SAMD12: variants seen among roughly 807,000 people sequenced by gnomAD.
SAMD12 encodes sterile alpha motif domain-containing protein 12.
A neutral mutation model predicts 15.0 loss-of-function variants in SAMD12; 9 were observed. The ratio of observed to expected loss-of-function variants is 0.60; its 90% confidence interval spans 0.36 to 1.05. The LOEUF is 1.05. Among genes scored for constraint, SAMD12 ranks in the 50% least tolerant of loss-of-function variants. The pLI is 0.01. For synonymous variants in SAMD12, 86 were observed against 90.1 expected (o/e 0.96, Z 0.25); for missense variants, 230 against 234.2 (o/e 0.98, Z 0.12).
chr8:118,521,400 T>C (rs536973557), intron 2 of SAMD12, among the ~76,000 whole-genome samples: 16 of 152,298 alleles, frequency 1.1e-4, no homozygotes, highest in African/African-American at 3.1e-4. Context: ...GATTTTGTAT[T>C]AGAGACCTGT....
At chr8:118,503,219 A>C (rs1452729651) in intron 2 of SAMD12, among the ~76,000 whole-genome samples, 2 of 152,240 alleles carry the variant, frequency 1.3e-5, no homozygotes, top group Admixed American at 6.5e-5. Flanking sequence ...TGCCGTCTGT[A>C]GGGCTTTCTT....
intron 3 of SAMD12, among the ~76,000 whole-genome samples, chr8:118,398,618 A>G (rs1820709272): frequency 6.6e-6 from 1 of 152,122 alleles, no homozygotes; most frequent in African/African-American, 2.4e-5. Flanking sequence ...TTAAAGTACC[A>G]TCACTTCCAC....
chr8:118,154,778 T>C, the SAMD12 span, among the ~76,000 whole-genome samples: 3 of 151,956 alleles, frequency 2.0e-5, no homozygotes, highest in African/African-American at 7.3e-5. Context: ...ATAGCATGAG[T>C]TAAAGTAAAA....
At chr8:118,180,677 A>G in the SAMD12 span, among the ~76,000 whole-genome samples, 4 of 151,552 alleles carry the variant, frequency 2.6e-5, no homozygotes, top group Non-Finnish European at 5.9e-5. Context: ...GGCTCAAGCA[A>G]TCCTCCCAGC....
intron 4 of SAMD12, among the ~76,000 whole-genome samples, chr8:118,278,328 C>G (rs988876884): frequency 1.3e-5 from 2 of 152,200 alleles, no homozygotes; most frequent in African/African-American, 4.8e-5. Context: ...TCATGAACAA[C>G]CCAAGAGTGC....
In SAMD12 at chr8:118,318,327, T is replaced by TATATATAC. The variant is rs1816038683; in HGVS notation, c.433+61232_433+61233insGTATATAT. 8.6e-5 allele frequency among the ~76,000 whole-genome samples: 3 copies of TATATATAC among 35,056 alleles called. 1 individual carries two copies. Among genetic ancestry groups the TATATATAC allele is most frequent in the Non-Finnish European group, 9.3e-5 (1 of 10,722 alleles). 23.0% of individuals were successfully genotyped at this position (35,056 alleles called of 152,430 possible). A position where few individuals can be genotyped will look rare whatever the true frequency, so the allele number is the denominator to read the frequency against. ...ATATATGTGTATATATATATATATATATATATATATATATATATATATATA... is the reference window on the plus strand; with the variant it reads ...ATATATGTGTATATATATATATATATATATATACATATATATATATATATATATATATA... On this transcript the variant is annotated intron_variant, in intron 4 of 4. Coordinates refer to the SAMD12 transcript ENST00000409003.
chr8:118,610,214 C>A (rs963388297), intron 1 of SAMD12, among the ~76,000 whole-genome samples: 6 of 152,152 alleles, frequency 3.9e-5, no homozygotes, highest in Non-Finnish European at 7.4e-5. Context: ...AAAGCTAATA[C>A]CAAGATACAC....
intron 2 of SAMD12, among the ~76,000 whole-genome samples, chr8:118,466,190 C>T (rs1314570729): frequency 4.6e-5 from 7 of 152,146 alleles, no homozygotes; most frequent in Admixed American, 2.0e-4. Flanking sequence ...AGGAAGTCTC[C>T]AGGCAGGTCC....
chr8:118,251,146 C>T (rs1352185638), intron 4 of SAMD12, among the ~76,000 whole-genome samples: 2 of 151,976 alleles, frequency 1.3e-5, no homozygotes, highest in African/African-American at 2.4e-5. Context: ...GAGGAGTGGT[C>T]AAGTGGTCGT....
chr8:118,216,967 C>A (rs544418932), intron 4 of SAMD12, among the ~76,000 whole-genome samples: 2 of 152,226 alleles, frequency 1.3e-5, no homozygotes, highest in South Asian at 4.2e-4. Flanking sequence ...TTTTCCTCTC[C>A]GCATTCATCG....
At chr8:118,433,731 T>C (rs1057368593) in intron 3 of SAMD12, among the ~76,000 whole-genome samples, 1 of 152,100 alleles carries the variant, frequency 6.6e-6, no homozygotes. Flanking sequence ...AATAAGAGTA[T>C]AGAGCAGTTC....
chr8:118,587,043 T>C (rs1160562558), intron 1 of SAMD12, among the ~76,000 whole-genome samples: 2 of 152,252 alleles, frequency 1.3e-5, no homozygotes, highest in African/African-American at 4.8e-5. Flanking sequence ...ATCTTATTCA[T>C]CTTTGCACCT....
intron 2 of SAMD12, among the ~76,000 whole-genome samples, chr8:118,476,627 G>A (rs1432979910): frequency 1.3e-5 from 2 of 152,170 alleles, no homozygotes; most frequent in Non-Finnish European, 2.9e-5. Flanking sequence ...ACATGGAGGG[G>A]CTTACAGTGA....
intron 3 of SAMD12, among the ~76,000 whole-genome samples, chr8:118,431,216 T>A (rs1822395626): frequency 6.6e-6 from 1 of 152,218 alleles, no homozygotes; most frequent in Non-Finnish European, 1.5e-5. Context: ...ATTTTACTTA[T>A]CTATATGGTA....
intron 2 of SAMD12, among the ~76,000 whole-genome samples, chr8:118,478,541 G>A (rs1824030075): frequency 6.6e-6 from 1 of 152,238 alleles, no homozygotes; most frequent in African/African-American, 2.4e-5. Context: ...ATAGTAAATA[G>A]TCATCATGAC....
At chr8:118,385,888 C>T (rs952485095) in intron 3 of SAMD12, among the ~76,000 whole-genome samples, 4 of 152,274 alleles carry the variant, frequency 2.6e-5, no homozygotes, top group Admixed American at 2.0e-4. Flanking sequence ...AGAAACTGAA[C>T]ATATAGAGGG....
In SAMD12 at chr8:118,584,328, C is replaced by G. The variant is rs531456591; in HGVS notation, c.14-3435G>C. ...AAATCAAACAACTCTCCAATGGCCT[C>G]TTACAATGCATGACCTCCATCTCTT... On this transcript the variant is annotated intron_variant, in intron 1 of 3. Coordinates refer to ENST00000314727, the MANE Select transcript of SAMD12 (RefSeq NM_207506.3). 2.0e-5 allele frequency among the ~76,000 whole-genome samples: 3 copies of G among 152,242 alleles called. No homozygotes were observed. The East Asian group carries it at 5.8e-4, about 29-fold the overall frequency.
intron 4 of SAMD12, among the ~76,000 whole-genome samples, chr8:118,216,599 G>A (rs146666871): frequency 2.2e-4 from 33 of 152,318 alleles, no homozygotes; most frequent in African/African-American, 7.7e-4. Context: ...CAGCATAGAA[G>A]TAGCCAAGAC....
chr8:118,232,030 C>A (rs1391323850), intron 4 of SAMD12, among the ~76,000 whole-genome samples: 1 of 152,224 alleles, frequency 6.6e-6, no homozygotes, highest in African/African-American at 2.4e-5. Flanking sequence ...TCCTGCCTAT[C>A]TGTTCACTTG....
Sources: gnomAD v4.1 joint callset for allele counts (sites outside exome capture counted in the v4.1 genomes callset) on GRCh38, gnomAD v4.1.1 for gene constraint, MANE v1.5 for transcripts, NCBI Gene and HGNC (gene_info 2026-07-23, HGNC 2026-07-21) for gene names.